ZCCHC10: variants seen among roughly 807,000 people sequenced by gnomAD.
ZCCHC10 encodes the protein zinc finger CCHC domain-containing protein 10.
A neutral mutation model predicts 19.5 loss-of-function variants in ZCCHC10; 16 were observed. The observed-to-expected ratio is 0.82, with a 90% CI of 0.56 to 1.25. The LOEUF (loss-of-function observed/expected upper bound fraction) is 1.25. Among genes scored for constraint, ZCCHC10 ranks in the 50% most tolerant of loss-of-function variants. The pLI is 0.00. For synonymous variants in ZCCHC10, 67 were observed against 72.5 expected, an observed-to-expected ratio of 0.92 and a Z score of 0.38; for missense variants, 197 against 201.0, an observed-to-expected ratio of 0.98 and a Z score of 0.12.
At chr5:133,026,309 G>C (rs1344287154) in intron 1 of ZCCHC10, among the ~76,000 whole-genome samples, 188 bp downstream of exon 1, 6 of 152,216 alleles carry the variant, frequency 3.9e-5, no homozygotes, top group Admixed American at 3.9e-4. Context: ...TTACGCGGCT[G>C]TCTTCCGCGA....
chr5:133,022,305 A>T (rs1253688303), intron 2 of ZCCHC10, among the ~76,000 whole-genome samples: 1 of 152,194 alleles, frequency 6.6e-6, no homozygotes, highest in Non-Finnish European at 1.5e-5. Context: ...CAGGGTCAGG[A>T]TCATCAAGAT....
intron 3 of ZCCHC10, 45 bp downstream of exon 3, chr5:133,006,714 T>G: frequency 6.5e-7 from 1 of 1,540,562 alleles, no homozygotes; most frequent in Admixed American, 2.1e-5. Flanking sequence ...AAATTCTATA[T>G]ACACATTAAA....
chr5:133,008,381 T>C (rs1162025886), intron 2 of ZCCHC10, among the ~76,000 whole-genome samples: 4 of 135,056 alleles, frequency 3.0e-5, no homozygotes, highest in African/African-American at 1.1e-4. Context: ...CTACTAAAAA[T>C]ACAAAAATTA....
intron 2 of ZCCHC10, among the ~76,000 whole-genome samples, chr5:133,021,040 G>A (rs1352652241): frequency 6.6e-6 from 1 of 152,134 alleles, no homozygotes; most frequent in Non-Finnish European, 1.5e-5. Flanking sequence ...GGGACTACAG[G>A]CACCCGCCAC....
intron 4 of ZCCHC10, 125 bp downstream of exon 4, chr5:133,000,007 C>G (rs1762658234): frequency 9.1e-7 from 1 of 1,095,842 alleles, no homozygotes; most frequent in Admixed American, 2.4e-5. Flanking sequence ...CTTGGCCTCC[C>G]AAAGTGCTGG....
chr5:133,017,033 G>A (rs1325226919), intron 2 of ZCCHC10, among the ~76,000 whole-genome samples: 1 of 152,010 alleles, frequency 6.6e-6, no homozygotes, highest in Non-Finnish European at 1.5e-5. Flanking sequence ...TCTCCATGAG[G>A]AAACAACTTT....
At chr5:133,019,109 C>T (rs150823900) in intron 2 of ZCCHC10, 186 of 450,726 alleles carry the variant, frequency 4.1e-4, no homozygotes, top group African/African-American at 3.4e-3. Context: ...TGAGGCTGGA[C>T]GCAGTGGCTC....
intron 3 of ZCCHC10, 46 bp from the exon 4 acceptor site, chr5:133,000,219 A>G: frequency 6.2e-7 from 1 of 1,608,932 alleles, no homozygotes; most frequent in Non-Finnish European, 8.5e-7. Context: ...TAGAGTGATT[A>G]TACACAGCTC....
chr5:133,007,056 T>C, intron 2 of ZCCHC10, 136 bp from the exon 3 acceptor site: 1 of 862,050 alleles, frequency 1.2e-6, no homozygotes, highest in South Asian at 2.6e-5. Context: ...ATTTTACCCT[T>C]GTGAGATTTA....
intron 2 of ZCCHC10, among the ~76,000 whole-genome samples, chr5:133,018,440 T>A (rs1418223648): frequency 6.6e-6 from 1 of 151,882 alleles, no homozygotes; most frequent in Non-Finnish European, 1.5e-5. Flanking sequence ...TCCTCTGTCG[T>A]CCAGGCTGGA....
At chr5:133,002,556 T>C (rs1218379348) in intron 3 of ZCCHC10, among the ~76,000 whole-genome samples, 1 of 152,038 alleles carries the variant, frequency 6.6e-6, no homozygotes, top group Non-Finnish European at 1.5e-5. Flanking sequence ...TCTTCAAACA[T>C]TTTTTTGCTT....
In ZCCHC10 at chr5:133,026,544, G is replaced by A; in HGVS notation, c.-7C>T. 1 of 1,613,458 alleles carries A rather than the reference G, an allele frequency of 6.2e-7. No individual in the cohort carries two copies. The highest frequency in any genetic ancestry group is 8.5e-7 in the Non-Finnish European group (1 of 1,179,842). On this transcript the variant is annotated 5_prime_UTR_variant, in exon 1 of 5. Coordinates refer to ENST00000509437, the MANE Select transcript of ZCCHC10 (RefSeq NM_001300816.3). ...GATGCATGGGAGTCGCCATCTTAGC[G>A]CGGTCAAAGCCGGCCGCGCAGGGTT... is the stretch of plus-strand genomic sequence containing the variant.
Position 132,998,506 on chromosome 5 carries a change from C to T in ZCCHC10, c.*77G>A. On this transcript the variant is annotated 3_prime_UTR_variant, in exon 5 of 5. Transcript: ENST00000509437. ...ATGTTCACCAGTTAACCTACTTGGCCTTAACATATTCTAAATTCCCTTTCA... is the reference window on the plus strand; with the variant it reads ...ATGTTCACCAGTTAACCTACTTGGCTTTAACATATTCTAAATTCCCTTTCA... The T allele has an allele frequency of 7.2e-7, 1 of 1,388,698 alleles. No homozygotes were observed. The highest frequency in any genetic ancestry group is 9.8e-7 in the Non-Finnish European group (1 of 1,016,174). 86.0% of individuals were successfully genotyped at this position (1,388,698 alleles called of 1,614,324 possible).
Position 133,021,327 on chromosome 5 carries a change from C to T in ZCCHC10, c.107+1514G>A, listed in dbSNP as rs577455001. The stretch of plus-strand genomic sequence containing the variant: ...TACAGGCGTGAGCTACTGCGCCCAG[C>T]CTTTTGAAACTAAAATTTTTAAAAA... On this transcript the variant is annotated intron_variant, in intron 2 of 4. Transcript: ENST00000509437. 1.1e-4 allele frequency among the ~76,000 whole-genome samples: 16 copies of T among 152,306 alleles called. No homozygotes were observed. The Middle Eastern group carries it at 0.01, about 97-fold the overall frequency.
In ZCCHC10 at chr5:132,998,342, C is replaced by A; in HGVS notation, c.*241G>T. On this transcript the variant is annotated 3_prime_UTR_variant, in exon 5 of 5. Coordinates refer to ENST00000509437, the MANE Select transcript of ZCCHC10 (RefSeq NM_001300816.3). Reference sequence around the variant, plus strand: ...ACACAAACAGATTTGCAGATTTCAGCTTTAAGTTCTAGAGATATATTTTAA... The same window carrying A: ...ACACAAACAGATTTGCAGATTTCAGATTTAAGTTCTAGAGATATATTTTAA... The A allele has an allele frequency of 5.5e-6, 2 of 366,644 alleles. No homozygotes were observed. Among genetic ancestry groups the A allele is most frequent in the South Asian group, 3.9e-5 (1 of 25,856 alleles). 22.7% of individuals were successfully genotyped at this position (366,644 alleles called of 1,614,324 possible). A position where few individuals can be genotyped will look rare whatever the true frequency, so the allele number is the denominator to read the frequency against.
Position 133,022,870 on chromosome 5 carries a change from C to T in ZCCHC10, c.78G>A (p.Trp26Ter). ...TAACGATGGATGGCTGAATCAGGATCCAAAAGGTCTTGACAGGCTGCAACT... is the reference window on the plus strand; with the variant it reads ...TAACGATGGATGGCTGAATCAGGATTCAAAAGGTCTTGACAGGCTGCAACT... The part of the protein sequence containing the change: ...DTELQPVKTF[W>*]ILIQPSIVIS... Residue 26 changes from tryptophan (W) to a stop codon, truncating the protein, a stop_gained, in exon 2 of 5, where the codon TGG (tryptophan) becomes TGA (stop). Transcript: ENST00000509437. LOFTEE classifies it high-confidence loss of function. 1 of 613,674 alleles carries T rather than the reference C, an allele frequency of 1.6e-6. No individual in the cohort carries two copies. Among genetic ancestry groups the T allele is most frequent in the Non-Finnish European group, 2.9e-6 (1 of 346,032 alleles). 38.0% of individuals were successfully genotyped at this position (613,674 alleles called of 1,614,324 possible). A position where few individuals can be genotyped will look rare whatever the true frequency, so the allele number is the denominator to read the frequency against.
intron 2 of ZCCHC10, among the ~76,000 whole-genome samples, chr5:133,016,397 G>A (rs1051986799): frequency 6.6e-6 from 1 of 151,774 alleles, no homozygotes; most frequent in African/African-American, 2.4e-5. Flanking sequence ...ATTTTTCTCC[G>A]CTTGATCTTA....
Position 133,022,910 on chromosome 5 carries a change from A to C in ZCCHC10, c.42-4T>G. The C allele has an allele frequency of 3.4e-6, 2 of 587,206 alleles. No homozygotes were observed. The highest frequency in any genetic ancestry group is 6.3e-5 in the East Asian group (2 of 31,734). 36.4% of individuals were successfully genotyped at this position (587,206 alleles called of 1,614,324 possible). ...AGGCTGCAACTCTGTGTCGAATCTA[A>C]CAAGATGAAATTTAACAAGGACAAA... is the stretch of plus-strand genomic sequence containing the variant. On this transcript the variant is annotated splice_polypyrimidine_tract_variant and splice_region_variant and intron_variant, in intron 1 of 4. Transcript: ENST00000509437.
At chr5:133,021,046 G>A (rs1401375552) in intron 2 of ZCCHC10, among the ~76,000 whole-genome samples, 2 of 152,058 alleles carry the variant, frequency 1.3e-5, no homozygotes, top group Non-Finnish European at 2.9e-5. Context: ...ACAGGCACCC[G>A]CCACCATGCC....
Sources: allele counts gnomAD v4.1 joint callset (sites outside exome capture counted in the v4.1 genomes callset), GRCh38; gene constraint gnomAD v4.1.1; transcripts MANE v1.5; gene names NCBI Gene and HGNC (gene_info 2026-07-23, HGNC 2026-07-21).